PHLDB2: variants seen among roughly 807,000 people sequenced by gnomAD.
PHLDB2 encodes pleckstrin homology like domain family B member 2.
A neutral mutation model predicts 123.6 loss-of-function variants in PHLDB2; 71 were observed. The observed-to-expected ratio is 0.57, with a 90% CI of 0.47 to 0.70. PHLDB2 has a LOEUF of 0.70. Ranked by LOEUF, PHLDB2 falls within the 30% of genes least tolerant of loss-of-function variation. PHLDB2 has a pLI of 0.00. For missense variants in PHLDB2, 1,446 were observed against 1,519.5 expected, an observed-to-expected ratio of 0.95 and a Z score of 0.80; for synonymous variants, 547 against 541.6, an observed-to-expected ratio of 1.01 and a Z score of -0.14.
chr3:111,826,493 G>C (rs2108440761), intron 1 of PHLDB2, among the ~76,000 whole-genome samples: 1 of 152,182 alleles, frequency 6.6e-6, no homozygotes, highest in South Asian at 2.1e-4. Context: ...GTTTTCTTAG[G>C]TACGTGGGCA....
intron 2 of PHLDB2, among the ~76,000 whole-genome samples, chr3:111,853,573 T>C (rs1439511748): frequency 6.6e-6 from 1 of 152,146 alleles, no homozygotes; most frequent in African/African-American, 2.4e-5. Flanking sequence ...ATTAACACAC[T>C]GGCTCATAAA....
intron 1 of PHLDB2, among the ~76,000 whole-genome samples, chr3:111,844,244 C>A (rs1216930320): frequency 6.6e-6 from 1 of 152,086 alleles, no homozygotes; most frequent in African/African-American, 2.4e-5. Flanking sequence ...TGAAAAAAAA[C>A]AAAAACAAAC....
At chr3:111,914,227 T>C (rs921165155) in intron 3 of PHLDB2, 2 of 152,360 alleles carry the variant, frequency 1.3e-5, no homozygotes, top group African/African-American at 4.8e-5. Flanking sequence ...TTTTTTTTGC[T>C]AATAAAATCC....
intron 3 of PHLDB2, 151 bp downstream of exon 3, chr3:111,913,853 C>A (rs1170947617): frequency 9.7e-6 from 10 of 1,033,638 alleles, no homozygotes; most frequent in Non-Finnish European, 2.8e-6. Flanking sequence ...CGAGGTGCAG[C>A]AAATTAGGGT....
chr3:111,963,174 C>T (rs2071524798), intron 13 of PHLDB2, among the ~76,000 whole-genome samples: 1 of 152,066 alleles, frequency 6.6e-6, no homozygotes, highest in African/African-American at 2.4e-5. Context: ...TTTGATGTCC[C>T]ACTACCTACT....
intron 2 of PHLDB2, among the ~76,000 whole-genome samples, chr3:111,895,013 T>C (rs942153063): frequency 6.6e-6 from 1 of 151,456 alleles, no homozygotes; most frequent in African/African-American, 2.4e-5. Context: ...AATTAATCAT[T>C]AGCAAAGTTG....
At chr3:111,737,406 T>C (rs955381) in intron 1 of PHLDB2, among the ~76,000 whole-genome samples, 58,947 of 151,766 alleles carry the variant, frequency 0.39, 13,399 homozygotes, top group Middle Eastern at 0.55. Context: ...GGAGAACCCA[T>C]AGTTTTGGGC....
intron 2 of PHLDB2, among the ~76,000 whole-genome samples, chr3:111,890,620 T>C (rs1366193252): frequency 6.6e-6 from 1 of 152,202 alleles, no homozygotes; most frequent in Non-Finnish European, 1.5e-5. Context: ...ATATCTGTAA[T>C]ATTTTTAGGT....
chr3:111,804,332 C>A (rs1330508105), intron 1 of PHLDB2, among the ~76,000 whole-genome samples: 1 of 152,188 alleles, frequency 6.6e-6, no homozygotes, highest in Non-Finnish European at 1.5e-5. Context: ...TTATTGAATT[C>A]TTCTGAAGAA....
At chr3:111,760,236 G>C (rs765475751) in intron 1 of PHLDB2, among the ~76,000 whole-genome samples, 15 of 152,192 alleles carry the variant, frequency 9.9e-5, no homozygotes, top group Non-Finnish European at 8.8e-5. Context: ...AAACTCTTTT[G>C]AAATTCACAA....
chr3:111,956,783 G>C (rs2071086410), intron 12 of PHLDB2, among the ~76,000 whole-genome samples: 1 of 152,020 alleles, frequency 6.6e-6, no homozygotes. Flanking sequence ...AGCCCAAACT[G>C]GTGGTTCACA....
At chr3:111,958,971 G>GTTTA (rs1462103378) in intron 12 of PHLDB2, among the ~76,000 whole-genome samples, 1 of 152,248 alleles carries the variant, frequency 6.6e-6, no homozygotes, top group African/African-American at 2.4e-5. Context: ...AATAAATGGA[G>GTTTA]GTAAACTGTG....
intron 7 of PHLDB2, among the ~76,000 whole-genome samples, chr3:111,939,991 T>C (rs1432392632): frequency 1.3e-5 from 2 of 152,194 alleles, no homozygotes; most frequent in Non-Finnish European, 2.9e-5. Context: ...TCAGTAGTTC[T>C]CAAAACTGGC....
rs763789972 is a variant in PHLDB2 at position 111,920,310 on chromosome 3, G to A, written c.1892G>A (p.Gly631Glu). The change falls in exon 5 of 18, where the codon GGA (glycine) becomes GAA (glutamate). Residue 631 changes from glycine to glutamate, a missense_variant. Around this residue, in one of 3 missense-constraint regions of PHLDB2, gnomAD observed 832 missense variants for 831.9 expected, o/e 1.00. Coordinates refer to ENST00000431670, the MANE Select transcript of PHLDB2 (RefSeq NM_001134438.2). ...ELDMECALLD[G>E]EQKSETTELM... is the part of the protein sequence containing the mutation. ...GATATGGAATGTGCTCTTTTGGATG[G>A]AGAACAGAAATCTGAAACAACTGAA... The A allele has an allele frequency of 1.5e-5, 24 of 1,613,766 alleles. No individual in the cohort carries two copies. Among genetic ancestry groups the A allele is most frequent in the Non-Finnish European group, 1.9e-5 (23 of 1,179,924 alleles).
At chr3:111,922,992 T>G (rs1445794668) in intron 5 of PHLDB2, among the ~76,000 whole-genome samples, 1 of 152,182 alleles carries the variant, frequency 6.6e-6, no homozygotes. Context: ...TTCTCTCTCT[T>G]TACTGTCAGC....
intron 6 of PHLDB2, among the ~76,000 whole-genome samples, chr3:111,938,118 A>G (rs374441350): frequency 3.6e-4 from 55 of 152,330 alleles, no homozygotes; most frequent in African/African-American, 1.3e-3. Flanking sequence ...TACACTTTCC[A>G]GTAAAAAGGT....
intron 1 of PHLDB2, among the ~76,000 whole-genome samples, chr3:111,828,561 C>T (rs957317625): frequency 6.6e-6 from 1 of 152,170 alleles, no homozygotes; most frequent in African/African-American, 2.4e-5. Context: ...GAGGTTGAGG[C>T]TGGCGGATCG....
chr3:111,867,470 A>G (rs1050445025), intron 1 of PHLDB2, among the ~76,000 whole-genome samples: 1 of 152,204 alleles, frequency 6.6e-6, no homozygotes, highest in Non-Finnish European at 1.5e-5. Context: ...CAGCTTCAAC[A>G]ATTATTTATA....
intron 12 of PHLDB2, among the ~76,000 whole-genome samples, chr3:111,955,562 C>T (rs115079347): frequency 0.059 from 9,009 of 152,064 alleles, 880 homozygotes; most frequent in African/African-American, 0.2. Context: ...GTGATCCTCC[C>T]ACCTCAGCCT....
Sources: allele counts gnomAD v4.1 joint callset (sites outside exome capture counted in the v4.1 genomes callset), GRCh38; gene constraint gnomAD v4.1.1; regional missense constraint gnomAD v4.1.1; transcripts MANE v1.5; gene names NCBI Gene and HGNC (gene_info 2026-07-23, HGNC 2026-07-21).